Variants in CPXM2 observed in about 807,000 individuals in gnomAD.
CPXM2 encodes carboxypeptidase X, M14 family member 2, also known as inactive carboxypeptidase-like protein X2.
Under a neutral mutation model 86.1 loss-of-function variants are expected in CPXM2, and 66 were observed. The observed-to-expected ratio is 0.77, with a 90% CI of 0.63 to 0.94. The LOEUF (loss-of-function observed/expected upper bound fraction) is 0.94, where lower values mean the gene tolerates loss of function less well. CPXM2 is among the 40% of genes least tolerant of loss of function. The probability of loss-of-function intolerance (pLI) is 0.00; values close to 1 mark genes in which losing one functional copy is unlikely to be tolerated. For synonymous variants in CPXM2, 388 were observed against 400.2 expected, an observed-to-expected ratio of 0.97 and a Z score of 0.36; for missense variants, 948 against 1,026.3, an observed-to-expected ratio of 0.92 and a Z score of 1.04.
In CPXM2 at chr10:123,773,839, TG is replaced by T. The variant is rs1309234987; in HGVS notation, c.979-2801del. On this transcript the variant is annotated intron_variant, in intron 7 of 13. Coordinates refer to ENST00000241305, the MANE Select transcript of CPXM2 (RefSeq NM_198148.3). ...GCTCATCACACTGATAGCTGAGGTC[TG>T]GGAAAATGAGACCAGGGGCCAAAGG... Among the ~76,000 whole-genome samples, 13 of 152,300 alleles carry T rather than the reference TG, an allele frequency of 8.5e-5. No homozygotes were observed. The East Asian group carries it at 2.5e-3, about 29-fold the overall frequency.
intron 2 of CPXM2, among the ~76,000 whole-genome samples, chr10:123,925,346 T>G (rs1278309106): frequency 6.6e-6 from 1 of 151,852 alleles, no homozygotes; most frequent in Non-Finnish European, 1.5e-5. Flanking sequence ...TGGAGATTAT[T>G]AGAAAGAATC....
At chr10:123,937,813 A>G (rs914668361) in intron 2 of CPXM2, among the ~76,000 whole-genome samples, 4 of 152,156 alleles carry the variant, frequency 2.6e-5, no homozygotes, top group African/African-American at 7.2e-5. Flanking sequence ...CAAAGCCTTT[A>G]GAGAAGATGA....
chr10:123,817,731 G>A (rs1430481640), intron 4 of CPXM2, among the ~76,000 whole-genome samples: 6 of 152,174 alleles, frequency 3.9e-5, no homozygotes, highest in Admixed American at 3.9e-4. Context: ...ATAGCCTCAT[G>A]GGGAGTTCCC....
chr10:123,749,200 G>A lies in CPXM2; in HGVS notation c.2018-2183C>T, dbSNP rs147511535. Among the ~76,000 whole-genome samples the A allele has an allele frequency of 9.9e-4, 151 of 152,122 alleles. 2 individuals carry two copies. Among genetic ancestry groups the A allele is most frequent in the African/African-American group, 3.6e-3 (148 of 41,486 alleles). On this transcript the variant is annotated intron_variant, in intron 13 of 13. Transcript: ENST00000241305. ...CCACCAACAGCTATTGTGGGGCGCT[G>A]GACGTTGGAGGCCCCTGGAAGCAAA...
chr10:123,751,771 T>C (rs941950963), intron 13 of CPXM2: 7 of 985,316 alleles, frequency 7.1e-6, no homozygotes, highest in Admixed American at 6.1e-5. Context: ...GAGCTTTTCT[T>C]GAGAACCGAA....
chr10:123,896,187 C>G (rs567645093), upstream of CPXM2, among the ~76,000 whole-genome samples: 19 of 152,188 alleles, frequency 1.2e-4, no homozygotes, highest in Non-Finnish European at 2.5e-4. Flanking sequence ...CTTTTCACAC[C>G]TGCTCATTTC....
intron 2 of CPXM2, among the ~76,000 whole-genome samples, chr10:123,901,457 GTGTGTGTGTGTGTGTGT>G (rs1945380736): frequency 6.8e-6 from 1 of 148,090 alleles, no homozygotes; most frequent in Admixed American, 6.6e-5. Flanking sequence ...GTGTGTGTGT[GTGTGTGTGTGTGTGTGT>G]TTTCCCCTAT....
intron 2 of CPXM2, among the ~76,000 whole-genome samples, chr10:123,921,957 T>C (rs1945582588): frequency 6.6e-6 from 1 of 152,188 alleles, no homozygotes; most frequent in Non-Finnish European, 1.5e-5. Flanking sequence ...TTAGCTCTTC[T>C]CCATCCCTCC....
In CPXM2 at chr10:123,882,390, C is replaced by G. The variant is rs866655663; in HGVS notation, c.305-2081G>C. Among the ~76,000 whole-genome samples the G allele has an allele frequency of 3.3e-5, 5 of 152,292 alleles. No individual in the cohort carries two copies. The South Asian group carries it at 1.0e-3, about 32-fold the overall frequency. ...TCCTGCTTCTGTGGGCGGGAACATC[C>G]CGGCTGGTGGGAAAACCGTGGAAGA... On this transcript the variant is annotated intron_variant, in intron 1 of 13. Transcript: ENST00000241305.
chr10:123,788,735 G>C (rs1363144483), intron 6 of CPXM2, among the ~76,000 whole-genome samples: 1 of 152,216 alleles, frequency 6.6e-6, no homozygotes, highest in Non-Finnish European at 1.5e-5. Flanking sequence ...TTCACTGTCA[G>C]GTTCAGGGAG....
intron 13 of CPXM2, among the ~76,000 whole-genome samples, chr10:123,748,932 G>A (rs999677461): frequency 6.6e-6 from 1 of 152,060 alleles, no homozygotes; most frequent in Non-Finnish European, 1.5e-5. Flanking sequence ...TCCTGCCTCG[G>A]CCCGGTGTTA....
chr10:123,901,825 C>G (rs1369368616), intron 2 of CPXM2, among the ~76,000 whole-genome samples: 2 of 152,166 alleles, frequency 1.3e-5, no homozygotes, highest in African/African-American at 2.4e-5. Flanking sequence ...CCAGCTGTAT[C>G]AACCAATCAA....
intron 3 of CPXM2, among the ~76,000 whole-genome samples, chr10:123,848,150 G>A (rs72827467): frequency 1.8e-4 from 27 of 152,260 alleles, no homozygotes; most frequent in Middle Eastern, 3.4e-3. Flanking sequence ...TCAGGGGGAG[G>A]TTATCTAAAA....
At chr10:123,878,608 C>A (rs1945032851) in intron 2 of CPXM2, among the ~76,000 whole-genome samples, 1 of 151,416 alleles carries the variant, frequency 6.6e-6, no homozygotes, top group African/African-American at 2.4e-5. Context: ...ACTTCCAATT[C>A]TGATAATAAA....
At chr10:123,868,422 C>T (rs895348768) in intron 2 of CPXM2, among the ~76,000 whole-genome samples, 5 of 152,128 alleles carry the variant, frequency 3.3e-5, no homozygotes, top group Non-Finnish European at 7.3e-5. Context: ...TCTTCAAAAC[C>T]AGAAATCTCA....
At chr10:123,750,844 G>A (rs867370038) in intron 13 of CPXM2, 41 of 985,310 alleles carry the variant, frequency 4.2e-5, no homozygotes, top group African/African-American at 1.9e-4. Flanking sequence ...GGCAGGGCAC[G>A]CTGTCCTCAG....
intron 1 of CPXM2, among the ~76,000 whole-genome samples, chr10:123,888,775 G>C (rs1260755996): frequency 1.3e-5 from 2 of 152,182 alleles, no homozygotes; most frequent in East Asian, 1.9e-4. Flanking sequence ...TGGTTGGGGA[G>C]AGCTCTAAAA....
chr10:123,925,727 T>A (rs1221257472), intron 2 of CPXM2, among the ~76,000 whole-genome samples: 1 of 152,202 alleles, frequency 6.6e-6, no homozygotes, highest in Admixed American at 6.5e-5. Context: ...CTTGTTTACC[T>A]GTATACTTTT....
intron 2 of CPXM2, among the ~76,000 whole-genome samples, chr10:123,917,587 G>A (rs1221833098): frequency 2.0e-5 from 3 of 152,208 alleles, no homozygotes; most frequent in Non-Finnish European, 4.4e-5. Context: ...AACCACATGT[G>A]CTCTCACAAA....
Sources: allele counts gnomAD v4.1 joint callset (sites outside exome capture counted in the v4.1 genomes callset), GRCh38; gene constraint gnomAD v4.1.1; transcripts MANE v1.5; gene names NCBI Gene and HGNC (gene_info 2026-07-23, HGNC 2026-07-21).